PCDH15: variants seen among roughly 807,000 people sequenced by gnomAD.
PCDH15 encodes protocadherin-15.
In PCDH15, 129 loss-of-function variants were observed where a neutral mutation model predicts 178.5. That is an observed-to-expected ratio of 0.72 (90% CI 0.63 to 0.84). The LOEUF is 0.84. Ranked by LOEUF, PCDH15 falls within the 40% of genes least tolerant of loss-of-function variation. The pLI is 0.00. For synonymous variants in PCDH15, 800 were observed against 732.0 expected, an observed-to-expected ratio of 1.09 and a Z score of -1.50; for missense variants, 2,230 against 2,099.9, an observed-to-expected ratio of 1.06 and a Z score of -1.21.
At chr10:54,047,002 G>A (rs527991115) in intron 18 of PCDH15, among the ~76,000 whole-genome samples, 15 of 152,218 alleles carry the variant, frequency 9.9e-5, no homozygotes, top group Non-Finnish European at 1.3e-4. Context: ...AATAGGTCAT[G>A]AATTTTCATC....
At chr10:55,317,415 T>C (rs2132295382) in intron 1 of PCDH15, among the ~76,000 whole-genome samples, 1 of 152,246 alleles carries the variant, frequency 6.6e-6, no homozygotes, top group East Asian at 1.9e-4. Flanking sequence ...TCCCATGTGT[T>C]TTAATATCTT....
chr10:54,333,156 C>T (rs776509956), intron 6 of PCDH15, among the ~76,000 whole-genome samples: 1 of 151,976 alleles, frequency 6.6e-6, no homozygotes, highest in Non-Finnish European at 1.5e-5. Flanking sequence ...ACATGTTGGC[C>T]AGTCTGGTCT....
intron 15 of PCDH15, among the ~76,000 whole-genome samples, chr10:54,103,036 C>G (rs2094840718): frequency 6.6e-6 from 1 of 152,152 alleles, no homozygotes; most frequent in African/African-American, 2.4e-5. Context: ...GAAAGATTAA[C>G]AGCATAAATT....
At chr10:55,170,606 G>A (rs1417423537) in intron 1 of PCDH15, among the ~76,000 whole-genome samples, 3 of 152,284 alleles carry the variant, frequency 2.0e-5, no homozygotes, top group African/African-American at 7.2e-5. Flanking sequence ...ATTGATGGCC[G>A]AGTGCAGTGG....
chr10:54,923,022 T>TGTTATTTTTTTTTACCTTTTAA (rs1564632809), intron 2 of PCDH15, among the ~76,000 whole-genome samples: 4 of 140,822 alleles, frequency 2.8e-5, no homozygotes, highest in Non-Finnish European at 6.6e-5. Context: ...GACTTCTGCC[T>TGTTATTTTTTTTTACCTTTTAA]AGACACTCAA....
chr10:54,465,248 CG>C (rs1161951592), intron 3 of PCDH15, among the ~76,000 whole-genome samples: 1 of 151,934 alleles, frequency 6.6e-6, no homozygotes. Context: ...CATCTCAATG[CG>C]TTAAAAATAT....
chr10:55,516,771 A>C (rs1248365493), intron 2 of PCDH15, among the ~76,000 whole-genome samples: 1 of 152,138 alleles, frequency 6.6e-6, no homozygotes, highest in East Asian at 1.9e-4. Context: ...TGTGACTGCA[A>C]GTTAAGCCAA....
chr10:55,579,848 GTTTTTGT>G (rs1216587977), intron 2 of PCDH15, among the ~76,000 whole-genome samples: 1 of 151,610 alleles, frequency 6.6e-6, no homozygotes, highest in Non-Finnish European at 1.5e-5. Context: ...GTTTTTTGTT[GTTTTTGT>G]TTTTTGTTTT....
At chr10:55,186,039 A>G (rs1839791425) in intron 1 of PCDH15, among the ~76,000 whole-genome samples, 1 of 151,856 alleles carries the variant, frequency 6.6e-6, no homozygotes. Context: ...CAAATGATCT[A>G]CAGAGAAAAG....
Position 54,047,896 on chromosome 10 carries a change from T to C in PCDH15, c.2220+18861A>G, listed in dbSNP as rs187737335. Among the ~76,000 whole-genome samples, 330 of 152,340 alleles carry C rather than the reference T, an allele frequency of 2.2e-3. 1 individual carries two copies. Among genetic ancestry groups the C allele is most frequent in the African/African-American group, 7.7e-3 (320 of 41,574 alleles). On this transcript the variant is annotated intron_variant, in intron 18 of 37. Transcript: ENST00000644397. ...GAAAATACAAGTGCATGTGTCTTTT[T>C]GGTAGAATGATGTATTTTCCTTTGG...
intron 1 of PCDH15, among the ~76,000 whole-genome samples, chr10:54,670,039 G>A (rs760329890): frequency 4.6e-5 from 7 of 152,036 alleles, no homozygotes; most frequent in Non-Finnish European, 8.8e-5. Context: ...GAGCGACAGA[G>A]CAAGACAGAT....
At chr10:53,836,514 CG>C (rs35016937) in intron 29 of PCDH15, among the ~76,000 whole-genome samples, 58,056 of 151,868 alleles carry the variant, frequency 0.38, 11,740 homozygotes, top group East Asian at 0.75. Flanking sequence ...CCCTACAGCA[CG>C]CAGGCCTCTA....
chr10:54,965,576 T>C (rs987702669), intron 2 of PCDH15, among the ~76,000 whole-genome samples: 49 of 149,148 alleles, frequency 3.3e-4, no homozygotes, highest in African/African-American at 1.2e-3. Context: ...AATGGACTAA[T>C]ATGCATAGTA....
intron 2 of PCDH15, among the ~76,000 whole-genome samples, chr10:54,589,365 T>C (rs1198262549): frequency 6.6e-6 from 1 of 152,184 alleles, no homozygotes; most frequent in East Asian, 1.9e-4. Flanking sequence ...CAAGCTGGTA[T>C]TTAAACATCT....
At chr10:55,384,231 T>C (rs1837601601) in intron 2 of PCDH15, among the ~76,000 whole-genome samples, 1 of 152,136 alleles carries the variant, frequency 6.6e-6, no homozygotes, top group Non-Finnish European at 1.5e-5. Context: ...TTTGAGGAGA[T>C]CTGAATCACC....
At chr10:54,434,911 C>T (rs1213278994) in intron 3 of PCDH15, among the ~76,000 whole-genome samples, 1 of 152,188 alleles carries the variant, frequency 6.6e-6, no homozygotes, top group Non-Finnish European at 1.5e-5. Context: ...AGGTATATCA[C>T]TCTTGGCAAC....
chr10:55,432,114 C>CACACACACACACACACA (rs71014487), intron 2 of PCDH15, among the ~76,000 whole-genome samples: 4 of 146,986 alleles, frequency 2.7e-5, no homozygotes, highest in Admixed American at 6.8e-5. Context: ...CACACACACA[C>CACACACACACACACACA]CACAAGTCTC....
intron 3 of PCDH15, among the ~76,000 whole-genome samples, chr10:54,878,096 G>T (rs1180124184): frequency 5.3e-5 from 8 of 151,664 alleles, no homozygotes; most frequent in Admixed American, 5.3e-4. Context: ...CCTCGTAGCT[G>T]GGATTACAGG....
At chr10:54,994,666 G>A (rs1839591038) in intron 2 of PCDH15, among the ~76,000 whole-genome samples, 1 of 151,982 alleles carries the variant, frequency 6.6e-6, no homozygotes, top group South Asian at 2.1e-4. Flanking sequence ...TAAACCAAGT[G>A]TATTTATAAA....
Sources: allele counts gnomAD v4.1 joint callset (sites outside exome capture counted in the v4.1 genomes callset), GRCh38; gene constraint gnomAD v4.1.1; transcripts MANE v1.5; gene names NCBI Gene and HGNC (gene_info 2026-07-23, HGNC 2026-07-21).